The following ZNF837 variants were observed in gnomAD, a reference collection of about 807,000 sequenced individuals.
ZNF837 encodes the protein zinc finger protein 837.
For missense variants in ZNF837, 955 were observed against 801.7 expected (o/e 1.19, Z -2.31); for synonymous variants, 475 against 365.2 (o/e 1.30, Z -3.43).
chr19:58,368,139 C>A lies in ZNF837; in HGVS notation c.1194G>T (p.Lys398Asn), dbSNP rs1476811629. 2 of 1,587,774 alleles carry A rather than the reference C, an allele frequency of 1.3e-6. No homozygotes were observed. The highest frequency in any genetic ancestry group is 1.1e-5 in the South Asian group (1 of 88,216). Residue 398 changes from lysine (K) to asparagine (N), a missense_variant, in exon 3 of 3, where the codon AAG becomes AAT. Lys to Asn is a moderately conservative substitution (Grantham distance 94, BLOSUM62 0). Transcript: ENST00000597582. ...EKPYACPECGKAFNQRSNLSR... is the reference protein window; with the variant it reads ...EKPYACPECGNAFNQRSNLSR... Reference sequence around the variant, plus strand: ...TCAGGTTCGAGCGCTGGTTGAAGGCCTTGCCGCACTCGGGGCACGCGTAGG... The same window carrying A: ...TCAGGTTCGAGCGCTGGTTGAAGGCATTGCCGCACTCGGGGCACGCGTAGG...
chr19:58,368,300 C>A lies in ZNF837; in HGVS notation c.1033G>T (p.Gly345Trp). Residue 345 changes from glycine (G) to tryptophan (W), a missense_variant, in exon 3 of 3, where the codon GGG becomes TGG. Gly to Trp is a radical substitution (Grantham distance 184). Transcript: ENST00000597582. ...RAFRLGCPPC[G>W]DYSERSPRRG... ...CGGGGACTCCGCTCGCTGTAGTCCC[C>A]GCAGGGCGGGCACCCCAGCCGGAAG... is the stretch of plus-strand genomic sequence containing the variant. The A allele has an allele frequency of 6.7e-7, 1 of 1,484,386 alleles. No individual in the cohort carries two copies. Among genetic ancestry groups the A allele is most frequent in the Non-Finnish European group, 8.9e-7 (1 of 1,126,664 alleles). 92.0% of individuals were successfully genotyped at this position (1,484,386 alleles called of 1,614,324 possible). A position where few individuals can be genotyped will look rare whatever the true frequency, so the allele number is the denominator to read the frequency against.
chr19:58,367,921 C>G lies in ZNF837; in HGVS notation c.1412G>C (p.Gly471Ala). ...ELRQHERLHSGEKPYICRDCG... is the reference protein window; with the variant it reads ...ELRQHERLHSAEKPYICRDCG... Reference sequence around the variant, plus strand: ...GTCGCGGCAGATGTAGGGCTTCTCGCCCGAGTGCAGGCGCTCGTGCTGGCG... The same window carrying G: ...GTCGCGGCAGATGTAGGGCTTCTCGGCCGAGTGCAGGCGCTCGTGCTGGCG... The change falls in exon 3 of 3, where the codon GGC (glycine) becomes GCC (alanine). Residue 471 changes from glycine to alanine, a missense_variant. Transcript: ENST00000597582. 3 of 1,534,526 alleles carry G rather than the reference C, an allele frequency of 2.0e-6. No homozygotes were observed. The highest frequency in any genetic ancestry group is 2.6e-6 in the Non-Finnish European group (3 of 1,144,184).
Position 58,368,936 on chromosome 19 carries a change from G to T in ZNF837, c.397C>A (p.His133Asn). The change falls in exon 3 of 3, where the codon CAT becomes AAT. Residue 133 changes from histidine to asparagine, a missense_variant. Coordinates refer to ENST00000597582, the MANE Select transcript of ZNF837 (RefSeq NM_138466.2). Reference protein sequence around the residue: ...DCSRNSCLAWHRGAPAGETPP... With the variant: ...DCSRNSCLAWNRGAPAGETPP... Reference sequence around the variant, plus strand: ...GTCTCCCCAGCGGGCGCCCCGCGATGCCACGCCAGGCAGGAGTTCCTGCTG... The same window carrying T: ...GTCTCCCCAGCGGGCGCCCCGCGATTCCACGCCAGGCAGGAGTTCCTGCTG... The T allele has an allele frequency of 6.5e-7, 1 of 1,544,546 alleles. No individual in the cohort carries two copies. Among genetic ancestry groups the T allele is most frequent in the Non-Finnish European group, 8.7e-7 (1 of 1,143,258 alleles).
Position 58,367,633 on chromosome 19 carries a change from G to T in ZNF837, c.*104C>A, listed in dbSNP as rs944462971. On this transcript the variant is annotated 3_prime_UTR_variant, in exon 3 of 3. Coordinates refer to ENST00000597582, the MANE Select transcript of ZNF837 (RefSeq NM_138466.2). ...CCTGTGGACGCCATGTGTACAAAGT[G>T]AAGTTTAATCAAAGTTACAAACGTT... 7.2e-5 allele frequency: 99 copies of T among 1,383,022 alleles called. No individual in the cohort carries two copies. Among genetic ancestry groups the T allele is most frequent in the Non-Finnish European group, 9.0e-5 (95 of 1,057,522 alleles). 85.7% of individuals were successfully genotyped at this position (1,383,022 alleles called of 1,614,324 possible).
intron 1 of ZNF837, among the ~76,000 whole-genome samples, chr19:58,370,949 CG>C (rs55782279): frequency 0.92 from 123,898 of 135,290 alleles, 56,518 homozygotes; most frequent in Non-Finnish European, 0.94. Context: ...GGGTGAAGGC[CG>C]GGGGGGGGGA....
At position 58,368,193 on chromosome 19, in the gene ZNF837, C is replaced by T; in HGVS notation, c.1140G>A (p.Glu380=). Residue 380 remains glutamate, a synonymous_variant, in exon 3 of 3, where the codon GAG becomes GAA. Transcript: ENST00000597582. ...KAFGLFSHLV[E]HRRVHTGEKP... ...TCTCGCCGGTGTGCACGCGCCGGTG[C>T]TCCACGAGGTGCGAGAACAGCCCGA... is the stretch of plus-strand genomic sequence containing the variant. 2 of 1,570,076 alleles carry T rather than the reference C, an allele frequency of 1.3e-6. No individual in the cohort carries two copies. Among genetic ancestry groups the T allele is most frequent in the Non-Finnish European group, 1.7e-6 (2 of 1,160,820 alleles).
chr19:58,368,451 C>G lies in ZNF837; in HGVS notation c.882G>C (p.Thr294=), dbSNP rs1599922021. The part of the protein sequence containing the change: ...SSLLQHQRIH[T]GERPYECAEC... ...CGGCGCACTCGTAGGGCCGCTCGCC[C>G]GTGTGGATGCGCTGGTGCTGCAGCA... The change falls in exon 3 of 3, where the codon ACG becomes ACC. Residue 294 remains threonine (T), a synonymous_variant. Transcript: ENST00000597582. 6.4e-7 allele frequency: 1 copy of G among 1,566,444 alleles called. No individual in the cohort carries two copies. The highest frequency in any genetic ancestry group is 8.6e-7 in the Non-Finnish European group (1 of 1,158,366).
rs1185632884 is a variant in ZNF837 at position 58,369,291 on chromosome 19, G to A, written c.42C>T (p.Pro14=). The A allele has an allele frequency of 3.6e-6, 5 of 1,394,078 alleles. No individual in the cohort carries two copies. The highest frequency in any genetic ancestry group is 4.6e-6 in the Non-Finnish European group (5 of 1,079,914). 86.4% of individuals were successfully genotyped at this position (1,394,078 alleles called of 1,614,324 possible). A position where few individuals can be genotyped will look rare whatever the true frequency, so the allele number is the denominator to read the frequency against. ...PAQKAGQGGL[P]KADAQGASGA... ...CGGAGGCACCCTGGGCATCGGCCTTGGGGAGTCCTCCCTGCCCAGCCTTCT... is the reference window on the plus strand; with the variant it reads ...CGGAGGCACCCTGGGCATCGGCCTTAGGGAGTCCTCCCTGCCCAGCCTTCT... Residue 14 remains proline, a synonymous_variant, in exon 3 of 3, where the codon CCC becomes CCT. Transcript: ENST00000597582.
chr19:58,372,435 G>GA (rs964059878), intron 1 of ZNF837, among the ~76,000 whole-genome samples: 1 of 151,720 alleles, frequency 6.6e-6, no homozygotes, highest in Non-Finnish European at 1.5e-5. Flanking sequence ...GGGGAGTCCG[G>GA]GGGGGGCGGA....
chr19:58,367,682 CCCT>C lies in ZNF837; in HGVS notation c.*52_*54del. On this transcript the variant is annotated 3_prime_UTR_variant, in exon 3 of 3. Coordinates refer to ENST00000597582, the MANE Select transcript of ZNF837 (RefSeq NM_138466.2). ...TTGGTGGGTTTTCCGGGACAAAGGCCCCTCCTCGACGCAGGGTTCGCTTGGGCG... is the reference window on the plus strand; with the variant it reads ...TTGGTGGGTTTTCCGGGACAAAGGCCCCTCGACGCAGGGTTCGCTTGGGCG... 1 of 1,441,754 alleles carries C rather than the reference CCCT, an allele frequency of 6.9e-7. No individual in the cohort carries two copies. The highest frequency in any genetic ancestry group is 9.1e-7 in the Non-Finnish European group (1 of 1,102,750). 89.3% of individuals were successfully genotyped at this position (1,441,754 alleles called of 1,614,324 possible).
chr19:58,377,741 G>T (rs12611047), intron 1 of ZNF837, among the ~76,000 whole-genome samples: 60,546 of 152,048 alleles, frequency 0.4, 12,483 homozygotes, highest in Middle Eastern at 0.51. Context: ...ACACCCAAGG[G>T]CACTGCTGCC....
At chr19:58,371,500 C>T (rs1250725487) in intron 1 of ZNF837, among the ~76,000 whole-genome samples, 3 of 152,190 alleles carry the variant, frequency 2.0e-5, no homozygotes, top group Non-Finnish European at 4.4e-5. Flanking sequence ...CCTCCTGTCC[C>T]CTCCCTAGAT....
Position 58,368,524 on chromosome 19 carries a change from A to C in ZNF837, c.809T>G (p.Leu270Arg). ...PIVPDPPAQR[L>R]YACDECGKAF... ...CTTGCCGCACTCGTCGCAAGCGTAC[A>C]GTCGCTGGGCCGGGGGGTCGGGGAC... The change falls in exon 3 of 3, where the codon CTG becomes CGG. Residue 270 changes from leucine to arginine, a missense_variant. Transcript: ENST00000597582. 2 of 1,540,074 alleles carry C rather than the reference A, an allele frequency of 1.3e-6. No homozygotes were observed. Among genetic ancestry groups the C allele is most frequent in the Non-Finnish European group, 1.8e-6 (2 of 1,142,458 alleles).
chr19:58,380,613 G>A (rs2052282136), intron 1 of ZNF837, among the ~76,000 whole-genome samples: 1 of 152,216 alleles, frequency 6.6e-6, no homozygotes, highest in South Asian at 2.1e-4. Flanking sequence ...GTCGGCCTCG[G>A]CTAGCAGGTG....
chr19:58,368,170 T>TCGCCGGTGTGCACG lies in ZNF837; in HGVS notation c.1149_1162dup (p.Glu388AlafsTer24). 1 of 1,587,386 alleles carries TCGCCGGTGTGCACG rather than the reference T, an allele frequency of 6.3e-7. No homozygotes were observed. The highest frequency in any genetic ancestry group is 2.3e-5 in the East Asian group (1 of 43,640). On this transcript the variant is annotated frameshift_variant, in exon 3 of 3. Transcript: ENST00000597582. LOFTEE classifies it low-confidence loss of function (END_TRUNC). The stretch of plus-strand genomic sequence containing the variant: ...GCACTCGGGGCACGCGTAGGGCTTC[T>TCGCCGGTGTGCACG]CGCCGGTGTGCACGCGCCGGTGCTC...
Position 58,369,150 on chromosome 19 carries a change from T to A in ZNF837, c.183A>T (p.Pro61=), listed in dbSNP as rs1264323052. ...RGAAGGRTTP[P]GGGSRGCSLG... ...GGCTGCAGCCCCGGGAGCCCCCGCCTGGGGGAGTCGTCCTACCGCCCGCCG... is the reference window on the plus strand; with the variant it reads ...GGCTGCAGCCCCGGGAGCCCCCGCCAGGGGGAGTCGTCCTACCGCCCGCCG... Residue 61 remains proline, a synonymous_variant, in exon 3 of 3, where the codon CCA becomes CCT. Coordinates refer to ENST00000597582, the MANE Select transcript of ZNF837 (RefSeq NM_138466.2). 6.9e-7 allele frequency: 1 copy of A among 1,454,388 alleles called. No individual in the cohort carries two copies. Among genetic ancestry groups the A allele is most frequent in the Non-Finnish European group, 9.1e-7 (1 of 1,104,812 alleles). 90.1% of individuals were successfully genotyped at this position (1,454,388 alleles called of 1,614,324 possible). A position where few individuals can be genotyped will look rare whatever the true frequency, so the allele number is the denominator to read the frequency against.
At chr19:58,371,868 C>A (rs2052205050) in intron 1 of ZNF837, among the ~76,000 whole-genome samples, 1 of 136,690 alleles carries the variant, frequency 7.3e-6, no homozygotes, top group Non-Finnish European at 1.6e-5. Flanking sequence ...ATTACAGGTG[C>A]CTGCCACCAT....
At chr19:58,378,564 T>C (rs548058344) in intron 1 of ZNF837, among the ~76,000 whole-genome samples, 1 of 152,200 alleles carries the variant, frequency 6.6e-6, no homozygotes, top group East Asian at 1.9e-4. Flanking sequence ...ACAGGGACAA[T>C]TGATCACCAT....
chr19:58,377,960 G>C (rs953443700), intron 1 of ZNF837, among the ~76,000 whole-genome samples: 8 of 152,138 alleles, frequency 5.3e-5, no homozygotes, highest in African/African-American at 1.4e-4. Context: ...CTGGCTATTC[G>C]GGGCAGGCCC....
Sources: gnomAD v4.1 joint callset for allele counts (sites outside exome capture counted in the v4.1 genomes callset) on GRCh38, gnomAD v4.1.1 for gene constraint, MANE v1.5 for transcripts, NCBI Gene and HGNC (gene_info 2026-07-23, HGNC 2026-07-21) for gene names.